Variants in MMP16 observed in about 807,000 individuals in gnomAD.
The protein encoded by MMP16 is matrix metallopeptidase 16.
A neutral mutation model predicts 67.8 loss-of-function variants in MMP16; 12 were observed. The ratio of observed to expected loss-of-function variants is 0.18; its 90% confidence interval spans 0.11 to 0.29. The LOEUF is 0.29. Among genes scored for constraint, MMP16 ranks in the 10% least tolerant of loss-of-function variants. The probability of loss-of-function intolerance (pLI) is 1.00; values close to 1 mark genes in which losing one functional copy is unlikely to be tolerated. For synonymous variants in MMP16, 249 were observed against 255.9 expected (o/e 0.97, Z 0.26); for missense variants, 475 against 765.7 (o/e 0.62, Z 4.48).
Position 88,118,844 on chromosome 8 carries a change from C to T in MMP16, c.727G>A (p.Val243Ile). The part of the protein sequence containing the change: ...PNHDGNDLFL[V>I]AVHELGHALG... The stretch of plus-strand genomic sequence containing the variant: ...GCATGTCCCAGTTCATGGACTGCTA[C>T]AAGAAATAAGTCATTTCCTGTGTGA... The change falls in exon 5 of 10, where the codon GTA (valine) becomes ATA (isoleucine). Residue 243 changes from valine (V) to isoleucine (I), a missense_variant. Transcript: ENST00000286614. 6.2e-7 allele frequency: 1 copy of T among 1,612,830 alleles called. No homozygotes were observed.
At position 88,090,176 on chromosome 8, in the gene MMP16, C is replaced by T. The variant is rs564243650; in HGVS notation, c.1084-15433G>A. ...AAGGTTTTAGAATTTTTCAGTGTTTCTTGATTTTTATTGTGGGGTTGAGAA... is the reference window on the plus strand; with the variant it reads ...AAGGTTTTAGAATTTTTCAGTGTTTTTTGATTTTTATTGTGGGGTTGAGAA... On this transcript the variant is annotated intron_variant, in intron 6 of 9. Transcript: ENST00000286614. 1.3e-3 allele frequency among the ~76,000 whole-genome samples: 193 copies of T among 151,786 alleles called. 1 individual carries two copies. Among genetic ancestry groups the T allele is most frequent in the African/African-American group, 4.5e-3 (187 of 41,476 alleles).
intron 1 of MMP16, among the ~76,000 whole-genome samples, chr8:88,226,278 T>C (rs1471504517): frequency 1.3e-5 from 2 of 152,106 alleles, no homozygotes; most frequent in East Asian, 1.9e-4. Context: ...TGTAAGTATA[T>C]TGAATAGACT....
intron 3 of MMP16, among the ~76,000 whole-genome samples, chr8:88,178,405 C>T (rs570541942): frequency 1.1e-4 from 17 of 152,130 alleles, no homozygotes; most frequent in African/African-American, 4.1e-4. Context: ...ATTAAGAATG[C>T]CTTTAATGAG....
At chr8:88,199,819 T>C (rs1010315289) in intron 1 of MMP16, among the ~76,000 whole-genome samples, 3 of 152,042 alleles carry the variant, frequency 2.0e-5, no homozygotes, top group African/African-American at 4.8e-5. Context: ...GTTTTCATCA[T>C]TGTCTTAAAA....
chr8:88,301,452 AG>A (rs1811097900), intron 1 of MMP16, among the ~76,000 whole-genome samples: 1 of 152,202 alleles, frequency 6.6e-6, no homozygotes, highest in Admixed American at 6.5e-5. Flanking sequence ...TTTGCCACAA[AG>A]CTTAAAAATA....
intron 1 of MMP16, among the ~76,000 whole-genome samples, chr8:88,201,144 C>CAAAAAA (rs71277984): frequency 2.7e-5 from 3 of 109,408 alleles, no homozygotes; most frequent in Non-Finnish European, 3.9e-5. Context: ...TTTCCCCCCC[C>CAAAAAA]AAAAAAAAAA....
intron 1 of MMP16, among the ~76,000 whole-genome samples, chr8:88,249,015 G>T (rs982073121): frequency 3.3e-5 from 5 of 151,880 alleles, no homozygotes; most frequent in African/African-American, 1.2e-4. Context: ...AATCACCAAC[G>T]CAACTCTTTA....
chr8:88,173,423 T>C (rs566748905), intron 3 of MMP16, among the ~76,000 whole-genome samples: 1 of 152,284 alleles, frequency 6.6e-6, no homozygotes, highest in Admixed American at 6.5e-5. Flanking sequence ...CTCTAAATAC[T>C]GTGGCATCTA....
intron 4 of MMP16, among the ~76,000 whole-genome samples, chr8:88,159,131 A>G (rs552176105): frequency 6.0e-4 from 91 of 152,116 alleles, no homozygotes; most frequent in African/African-American, 2.1e-3. Context: ...TTGGCTTAGG[A>G]TTGTCTTGGC....
At chr8:88,270,151 C>T (rs1363651608) in intron 1 of MMP16, among the ~76,000 whole-genome samples, 1 of 152,100 alleles carries the variant, frequency 6.6e-6, no homozygotes, top group East Asian at 1.9e-4. Context: ...CATGGTGACT[C>T]ATAGAGGATC....
At chr8:88,182,715 C>T (rs1809000932) in intron 3 of MMP16, among the ~76,000 whole-genome samples, 1 of 152,050 alleles carries the variant, frequency 6.6e-6, no homozygotes, top group Non-Finnish European at 1.5e-5. Flanking sequence ...GATATTTATC[C>T]AAATGAGTTA....
chr8:88,247,439 T>C (rs901862661), intron 1 of MMP16, among the ~76,000 whole-genome samples: 4 of 152,064 alleles, frequency 2.6e-5, no homozygotes, highest in Non-Finnish European at 1.5e-5. Flanking sequence ...GTGACAGCTA[T>C]GGAGGAAACA....
At chr8:88,282,090 G>GA (rs1554591349) in intron 1 of MMP16, among the ~76,000 whole-genome samples, 1 of 147,778 alleles carries the variant, frequency 6.8e-6, no homozygotes, top group African/African-American at 2.6e-5. Context: ...TTTGGGGGGG[G>GA]GGGGGCGACG....
chr8:88,321,911 A>G (rs1228807153), intron 1 of MMP16, among the ~76,000 whole-genome samples: 1 of 152,138 alleles, frequency 6.6e-6, no homozygotes, highest in East Asian at 1.9e-4. Flanking sequence ...CCAGTGCTCA[A>G]TTACACCACA....
intron 1 of MMP16, among the ~76,000 whole-genome samples, chr8:88,216,707 A>C (rs192838273): frequency 1.5e-4 from 23 of 152,208 alleles, no homozygotes; most frequent in Admixed American, 7.9e-4. Context: ...ATTTTGTTAA[A>C]TATCATTTTC....
chr8:88,161,594 CT>C (rs1401082886), intron 4 of MMP16, among the ~76,000 whole-genome samples: 1 of 151,992 alleles, frequency 6.6e-6, no homozygotes, highest in Admixed American at 6.6e-5. Context: ...CTTCTGATAG[CT>C]TTTGAATGTG....
At chr8:88,221,556 G>C (rs1043974149) in intron 1 of MMP16, among the ~76,000 whole-genome samples, 1 of 151,798 alleles carries the variant, frequency 6.6e-6, no homozygotes, top group Non-Finnish European at 1.5e-5. Context: ...AATAACCCCA[G>C]AGAGAAGAGA....
chr8:88,044,033 A>C (rs574655836), intron 9 of MMP16, among the ~76,000 whole-genome samples: 7 of 152,376 alleles, frequency 4.6e-5, no homozygotes, highest in Middle Eastern at 3.4e-3. Flanking sequence ...GCTACTAAGC[A>C]TTACACAAAA....
intron 8 of MMP16, among the ~76,000 whole-genome samples, chr8:88,050,284 C>T (rs1434863445): frequency 2.0e-5 from 3 of 152,214 alleles, no homozygotes; most frequent in African/African-American, 7.2e-5. Flanking sequence ...GATAGTGCCA[C>T]TGCACTCCGG....
Sources: allele counts gnomAD v4.1 joint callset (sites outside exome capture counted in the v4.1 genomes callset), GRCh38; gene constraint gnomAD v4.1.1; transcripts MANE v1.5; gene names NCBI Gene and HGNC (gene_info 2026-07-23, HGNC 2026-07-21).